The following CHST9 variants were observed in gnomAD, a reference collection of about 807,000 sequenced individuals.
The protein encoded by CHST9 is carbohydrate sulfotransferase 9.
A neutral mutation model predicts 44.4 loss-of-function variants in CHST9; 41 were observed. That is an observed-to-expected ratio of 0.92 (90% CI 0.72 to 1.20). CHST9 has a LOEUF of 1.20. Ranked by LOEUF, CHST9 falls within the 50% of genes most tolerant of loss-of-function variation. The probability of loss-of-function intolerance (pLI) is 0.00; values close to 1 mark genes in which losing one functional copy is unlikely to be tolerated. For synonymous variants in CHST9, 171 were observed against 178.4 expected, an observed-to-expected ratio of 0.96 and a Z score of 0.33; for missense variants, 504 against 516.5, an observed-to-expected ratio of 0.98 and a Z score of 0.23.
chr18:26,972,999 A>T (rs574158523), intron 4 of CHST9, among the ~76,000 whole-genome samples: 3 of 152,272 alleles, frequency 2.0e-5, no homozygotes, highest in Admixed American at 6.5e-5. Context: ...CCTTTTGGTC[A>T]CTTGATTACA....
chr18:26,942,655 G>T (rs1280274150), intron 5 of CHST9, among the ~76,000 whole-genome samples: 2 of 152,178 alleles, frequency 1.3e-5, no homozygotes, highest in African/African-American at 2.4e-5. Flanking sequence ...AGGGAAACAG[G>T]TAGGTTGTTA....
chr18:26,980,476 A>G (rs2056678788), intron 4 of CHST9, among the ~76,000 whole-genome samples: 1 of 152,178 alleles, frequency 6.6e-6, no homozygotes, highest in African/African-American at 2.4e-5. Flanking sequence ...TTTACTCTGG[A>G]AACTTTGACA....
chr18:27,015,323 TTGTGTGTGTG>T (rs10690815), intron 4 of CHST9, among the ~76,000 whole-genome samples: 51 of 146,428 alleles, frequency 3.5e-4, no homozygotes, highest in South Asian at 1.3e-3. Context: ...AGAGAGGCAG[TTGTGTGTGTG>T]TGTGTGTGTG....
intron 2 of CHST9, among the ~76,000 whole-genome samples, chr18:27,085,019 C>T (rs575516236): frequency 3.0e-4 from 46 of 151,936 alleles, no homozygotes; most frequent in Non-Finnish European, 4.7e-4. Flanking sequence ...ATGGTTGGTA[C>T]GATTTTGGTT....
intron 5 of CHST9, among the ~76,000 whole-genome samples, chr18:26,931,969 G>A (rs1251739776): frequency 6.6e-6 from 1 of 152,046 alleles, no homozygotes; most frequent in Admixed American, 6.6e-5. Flanking sequence ...TCCTCTCGGT[G>A]ACATCACATC....
intron 1 of CHST9, among the ~76,000 whole-genome samples, chr18:27,148,050 G>C (rs544435879): frequency 2.6e-5 from 4 of 151,844 alleles, no homozygotes; most frequent in Admixed American, 2.0e-4. Context: ...AGTGTCTGCT[G>C]TTCTCCTCTA....
intron 1 of CHST9, among the ~76,000 whole-genome samples, chr18:27,163,942 G>A (rs904512584): frequency 2.6e-5 from 4 of 152,034 alleles, no homozygotes; most frequent in Admixed American, 1.3e-4. Context: ...GTTCCTATTC[G>A]GCCATCTTGG....
At chr18:27,034,825 G>A (rs2057375114) in intron 3 of CHST9, among the ~76,000 whole-genome samples, 1 of 152,048 alleles carries the variant, frequency 6.6e-6, no homozygotes, top group Non-Finnish European at 1.5e-5. Context: ...CTCTTCTGAT[G>A]GGATAATTAC....
At chr18:27,112,981 A>G (rs993095822) in intron 2 of CHST9, among the ~76,000 whole-genome samples, 3 of 152,042 alleles carry the variant, frequency 2.0e-5, no homozygotes, top group Admixed American at 6.6e-5. Context: ...TGAGGTCAAG[A>G]GATCGAGACT....
In CHST9 at chr18:27,048,630, T is replaced by C. The variant is rs536774853; in HGVS notation, c.122-127A>G. The C allele has an allele frequency of 2.3e-5, 15 of 653,882 alleles. No homozygotes were observed. In the South Asian group the frequency reaches 3.0e-4, roughly 13 times the overall value. The allele number at this position is 653,882 out of a possible 1,614,324, so 40.5% of individuals were successfully genotyped here. ...ACTTCAGCCATGTCCAGTGTGCTCC[T>C]AGAGATGACTGGGCTCAGCTGACAG... On this transcript the variant is annotated intron_variant, in intron 2 of 5. Coordinates refer to ENST00000618847, the MANE Select transcript of CHST9 (RefSeq NM_031422.6).
intron 2 of CHST9, among the ~76,000 whole-genome samples, chr18:27,080,048 G>T (rs1219510734): frequency 3.9e-5 from 6 of 152,108 alleles, no homozygotes; most frequent in Non-Finnish European, 8.8e-5. Context: ...ATCTTTGGGA[G>T]CCCTTATTCA....
At chr18:27,151,318 A>G (rs755720181) in intron 1 of CHST9, among the ~76,000 whole-genome samples, 19 of 152,058 alleles carry the variant, frequency 1.2e-4, no homozygotes, top group Non-Finnish European at 2.4e-4. Flanking sequence ...ACTTACATAG[A>G]TGTTGTAAAA....
chr18:27,155,290 G>C (rs1362801955), intron 1 of CHST9, among the ~76,000 whole-genome samples: 2 of 152,094 alleles, frequency 1.3e-5, no homozygotes, highest in African/African-American at 4.8e-5. Context: ...CACAGGGACA[G>C]CTACATTGTA....
chr18:27,078,472 A>AGT (rs1160406706), intron 2 of CHST9, among the ~76,000 whole-genome samples: 1 of 150,640 alleles, frequency 6.6e-6, no homozygotes, highest in East Asian at 2.0e-4. Context: ...GTGTATGTAA[A>AGT]GTATATATAT....
At chr18:27,023,374 A>C (rs1256409514) in intron 4 of CHST9, among the ~76,000 whole-genome samples, 1 of 152,176 alleles carries the variant, frequency 6.6e-6, no homozygotes, top group Non-Finnish European at 1.5e-5. Flanking sequence ...GATTAGAATA[A>C]TTAGTTTGGA....
At chr18:27,057,640 G>C (rs1326659323) in intron 2 of CHST9, among the ~76,000 whole-genome samples, 2 of 152,216 alleles carry the variant, frequency 1.3e-5, no homozygotes, top group Non-Finnish European at 2.9e-5. Flanking sequence ...AGTGTGTACT[G>C]AGATACAAAA....
At chr18:27,056,044 T>A (rs1018526658) in intron 2 of CHST9, among the ~76,000 whole-genome samples, 2 of 152,262 alleles carry the variant, frequency 1.3e-5, no homozygotes, top group East Asian at 1.9e-4. Flanking sequence ...ATAAATTATT[T>A]AAAAAAATTT....
chr18:26,907,248 A>C lies in CHST9; in HGVS notation c.*9011T>G, dbSNP rs573852400. On this transcript the variant is annotated 3_prime_UTR_variant, in exon 6 of 6. Coordinates refer to ENST00000618847, the MANE Select transcript of CHST9 (RefSeq NM_031422.6). ...CTTTCTGAATTCTGTGGCTGTGAGG[A>C]GTCAGCTTAGGGAGAAATCGGGGTT... is the stretch of plus-strand genomic sequence containing the variant. 1 of 152,760 alleles carries C rather than the reference A, an allele frequency of 6.5e-6. No individual in the cohort carries two copies. Among genetic ancestry groups the C allele is most frequent in the East Asian group, 1.9e-4 (1 of 5,154 alleles). The allele number at this position is 152,760 out of a possible 1,614,324, so 9.5% of individuals were successfully genotyped here.
At chr18:27,108,248 G>A (rs1015809304) in intron 2 of CHST9, among the ~76,000 whole-genome samples, 11 of 152,054 alleles carry the variant, frequency 7.2e-5, no homozygotes, top group African/African-American at 1.9e-4. Context: ...CCAAATACAT[G>A]TCTCTGCTGA....
Sources: gnomAD v4.1 joint callset for allele counts (sites outside exome capture counted in the v4.1 genomes callset) on GRCh38, gnomAD v4.1.1 for gene constraint, MANE v1.5 for transcripts, NCBI Gene and HGNC (gene_info 2026-07-23, HGNC 2026-07-21) for gene names.